Variants in WDCP observed in about 807,000 individuals in gnomAD.
The protein encoded by WDCP is WD repeat and coiled-coil-containing protein.
A neutral mutation model predicts 41.6 loss-of-function variants in WDCP; 19 were observed. That is an observed-to-expected ratio of 0.46 (90% CI 0.32 to 0.67). The LOEUF is 0.67. Ranked by LOEUF, WDCP falls within the 30% of genes least tolerant of loss-of-function variation. The pLI, the probability that WDCP is intolerant of heterozygous loss-of-function variation, is 0.04. For missense variants in WDCP, 802 were observed against 850.7 expected, an observed-to-expected ratio of 0.94 and a Z score of 0.71; for synonymous variants, 302 against 320.8, an observed-to-expected ratio of 0.94 and a Z score of 0.63.
chr2:24,033,164 C>A, intron 2 of WDCP: 1 of 627,356 alleles, frequency 1.6e-6, no homozygotes, highest in Non-Finnish European at 3.0e-6. Context: ...ACTCTTTCCT[C>A]AGGGTTCTTC....
At chr2:24,047,006 T>C (rs1388053507) in intron 1 of WDCP, among the ~76,000 whole-genome samples, 1 of 152,152 alleles carries the variant, frequency 6.6e-6, no homozygotes, top group Non-Finnish European at 1.5e-5. Context: ...CGCTACCCGC[T>C]ATAAATAAAG....
At chr2:24,035,899 C>T (rs879589681) in intron 2 of WDCP, among the ~76,000 whole-genome samples, 21 of 151,352 alleles carry the variant, frequency 1.4e-4, no homozygotes, top group Non-Finnish European at 2.4e-4. Context: ...TGAAACCCCG[C>T]CTCTACTAAG....
At chr2:24,041,689 C>T (rs1460988604) in intron 1 of WDCP, among the ~76,000 whole-genome samples, 1 of 151,108 alleles carries the variant, frequency 6.6e-6, no homozygotes, top group Non-Finnish European at 1.5e-5. Context: ...CCCATCTCTA[C>T]TCAAAATACA....
chr2:24,032,760 G>A (rs1037879820), intron 3 of WDCP, 69 bp downstream of exon 3: 25 of 839,280 alleles, frequency 3.0e-5, no homozygotes, highest in African/African-American at 1.9e-4. Flanking sequence ...TTTCATTACC[G>A]GCATAGTTAA....
intron 1 of WDCP, among the ~76,000 whole-genome samples, chr2:24,044,110 G>A (rs1287281966): frequency 6.6e-6 from 1 of 152,196 alleles, no homozygotes; most frequent in Middle Eastern, 3.4e-3. Flanking sequence ...ACACTTTCAT[G>A]GGCAGAGAAA....
intron 2 of WDCP, among the ~76,000 whole-genome samples, chr2:24,033,879 C>G (rs987648614): frequency 6.6e-6 from 1 of 151,762 alleles, no homozygotes; most frequent in Non-Finnish European, 1.5e-5. Context: ...ATGGCAAGAC[C>G]CCATCTCATA....
Position 24,037,798 on chromosome 2 carries a change from C to T in WDCP, c.1697G>A (p.Arg566Lys). ...QLSKEVEILSRNLVEMQRCLS... is the reference protein window; with the variant it reads ...QLSKEVEILSKNLVEMQRCLS... ...ACACCGTTGCATTTCAACCAGGTTC[C>T]TAGATAAAATTTCCACTTCCTTAGA... The change falls in exon 2 of 4, where the codon AGG becomes AAG. Residue 566 changes from arginine to lysine, a missense_variant. This residue lies in a region of WDCP where 321 missense variants were observed against 305.1 expected (regional missense o/e 1.05). Coordinates refer to ENST00000295148, the MANE Select transcript of WDCP (RefSeq NM_025203.3). The T allele has an allele frequency of 2.5e-6, 4 of 1,614,230 alleles. No homozygotes were observed. The highest frequency in any genetic ancestry group is 3.4e-6 in the Non-Finnish European group (4 of 1,180,058).
In WDCP at chr2:24,046,378, T is replaced by C. The variant is rs570162732; in HGVS notation, c.-19+936A>G. On this transcript the variant is annotated intron_variant, in intron 1 of 3. Transcript: ENST00000295148. ...CGCTACTGATTTTGCCTGAAACTAA[T>C]TGTATACCTATTGTTTCACAATCTC... 2.0e-5 allele frequency among the ~76,000 whole-genome samples: 3 copies of C among 152,302 alleles called. No homozygotes were observed. The South Asian group carries it at 6.2e-4, about 32-fold the overall frequency.
At chr2:24,047,183 T>C (rs72781697) in intron 1 of WDCP, 131 bp downstream of exon 1, 1,626 of 151,576 alleles carry the variant, frequency 0.011, 13 homozygotes, top group Middle Eastern at 0.027. Flanking sequence ...CGCCCCATTC[T>C]CCTCATCCTC....
chr2:24,034,097 T>C (rs1281479356), intron 2 of WDCP, among the ~76,000 whole-genome samples: 1 of 152,232 alleles, frequency 6.6e-6, no homozygotes, highest in African/African-American at 2.4e-5. Flanking sequence ...ACTTTTCTCA[T>C]TACAAAAGGA....
Position 24,038,052 on chromosome 2 carries a change from T to G in WDCP, c.1443A>C (p.Thr481=). The G allele has an allele frequency of 6.2e-7, 1 of 1,614,180 alleles. No homozygotes were observed. The highest frequency in any genetic ancestry group is 1.7e-5 in the Admixed American group (1 of 60,018). ...TTCCATTCTGACTACTGGTATTAAC[T>G]GTCAGCAACAGCCCTTTGTTTTGGT... The part of the protein sequence containing the change: ...FCHQNKGLLL[T]VNTSSQNGRP... Residue 481 remains threonine (T), a synonymous_variant, in exon 2 of 4, where the codon ACA becomes ACC. Coordinates refer to ENST00000295148, the MANE Select transcript of WDCP (RefSeq NM_025203.3).
intron 3 of WDCP, 75 bp downstream of exon 3, chr2:24,032,754 A>G (rs1173555415): frequency 1.2e-6 from 1 of 814,330 alleles, no homozygotes; most frequent in Non-Finnish European, 2.2e-6. Context: ...CCTCATTTTC[A>G]TTACCGGCAT....
Position 24,039,279 on chromosome 2 carries a change from A to G in WDCP, c.216T>C (p.Asp72=). The change falls in exon 2 of 4, where the codon GAT becomes GAC. Residue 72 remains aspartate, a synonymous_variant. Transcript: ENST00000295148. The part of the protein sequence containing the change: ...GLSWAPPVAD[D]TPVLLAVQHE... ...GCTGGACAGCGAGTAGAACAGGTGT[A>G]TCATCTGCAACAGGTGGGGCCCAGG... The G allele has an allele frequency of 6.2e-7, 1 of 1,614,228 alleles. No homozygotes were observed. The highest frequency in any genetic ancestry group is 8.5e-7 in the Non-Finnish European group (1 of 1,180,028).
At chr2:24,034,636 C>T (rs766295557) in intron 2 of WDCP, among the ~76,000 whole-genome samples, 77 of 149,466 alleles carry the variant, frequency 5.2e-4, no homozygotes, top group Non-Finnish European at 1.0e-3. Context: ...TGCAGTGGCA[C>T]GATCACAGCT....
At chr2:24,032,797 T>C (rs749055799) in intron 3 of WDCP, 32 bp downstream of exon 3, 1 of 1,262,688 alleles carries the variant, frequency 7.9e-7, no homozygotes, top group Non-Finnish European at 1.2e-6. Context: ...GGCAAGGATG[T>C]TAGCTAGGGT....
Position 24,030,770 on chromosome 2 carries a change from C to T in WDCP, c.*163G>A, listed in dbSNP as rs754592659. 6 of 614,316 alleles carry T rather than the reference C, an allele frequency of 9.8e-6. No individual in the cohort carries two copies. The highest frequency in any genetic ancestry group is 1.8e-5 in the Non-Finnish European group (6 of 341,204). The allele number at this position is 614,316 out of a possible 1,614,324, so 38.1% of individuals were successfully genotyped here. A position where few individuals can be genotyped will look rare whatever the true frequency, so the allele number is the denominator to read the frequency against. On this transcript the variant is annotated 3_prime_UTR_variant, in exon 4 of 4. Coordinates refer to ENST00000295148, the MANE Select transcript of WDCP (RefSeq NM_025203.3). ...AAGACTGAGCTCTGCTACACAGCAG[C>T]GAGCCTCAGCTCAGGGGAAACAGGG...
chr2:24,036,065 AAAATAAATAAAT>A (rs546096434), intron 2 of WDCP, among the ~76,000 whole-genome samples: 50 of 140,404 alleles, frequency 3.6e-4, no homozygotes, highest in African/African-American at 6.2e-4. Flanking sequence ...CTCCGTCTCA[AAAATAAATAAAT>A]AAATAAATAA....
intron 1 of WDCP, among the ~76,000 whole-genome samples, chr2:24,042,695 G>A (rs1663485084): frequency 6.7e-6 from 1 of 149,706 alleles, no homozygotes; most frequent in African/African-American, 2.5e-5. Context: ...GGCAACAAGA[G>A]TGAAACTCTG....
intron 2 of WDCP, among the ~76,000 whole-genome samples, chr2:24,035,570 GAAAGAA>G (rs1170964551): frequency 6.6e-6 from 1 of 151,824 alleles, no homozygotes; most frequent in Non-Finnish European, 1.5e-5. Context: ...GTCATAGTAG[GAAAGAA>G]ATCCAAACCA....
Sources: gnomAD v4.1 joint callset for allele counts (sites outside exome capture counted in the v4.1 genomes callset) on GRCh38, gnomAD v4.1.1 for gene constraint, gnomAD v4.1.1 regional missense constraint, MANE v1.5 for transcripts, NCBI Gene and HGNC (gene_info 2026-07-23, HGNC 2026-07-21) for gene names.